The following GTPBP6 variants were observed in gnomAD, a reference collection of about 807,000 sequenced individuals.
GTPBP6 encodes GTP binding protein 6.
A neutral mutation model predicts 28.9 loss-of-function variants in GTPBP6; 33 were observed. That is an observed-to-expected ratio of 1.14 (90% CI 0.87 to 1.53). The LOEUF (loss-of-function observed/expected upper bound fraction) is 1.53, where lower values mean the gene tolerates loss of function less well. Among genes scored for constraint, GTPBP6 ranks in the 40% most tolerant of loss-of-function variants. GTPBP6 has a pLI of 0.00. For synonymous variants in GTPBP6, 231 were observed against 192.7 expected, an observed-to-expected ratio of 1.20 and a Z score of -1.65; for missense variants, 507 against 408.3, an observed-to-expected ratio of 1.24 and a Z score of -2.08.
At chrX:311,288 G>A in intron 7 of GTPBP6, 131 bp downstream of exon 7, 1 of 502,128 alleles carries the variant, frequency 2.0e-6, no homozygotes, top group East Asian at 4.4e-5. Flanking sequence ...GGCTGAGTGG[G>A]TGTCCGAGGG....
At chrX:317,078 G>C (rs1373117051) in intron 1 of GTPBP6, 27 bp from the exon 2 acceptor site, 4 of 397,994 alleles carry the variant, frequency 1.0e-5, no homozygotes, top group African/African-American at 4.1e-5. Context: ...GCCACCGTGA[G>C]AGACGCTTCT....
chrX:314,266 C>G, intron 4 of GTPBP6, 49 bp from the exon 5 acceptor site: 2 of 1,484,212 alleles, frequency 1.3e-6, no homozygotes, highest in African/African-American at 2.8e-5. Flanking sequence ...CTGTCTCCCT[C>G]CCGGCAGAGG....
chrX:305,117 CTGA>C (rs1360039794), exon 10 of GTPBP6: 5 of 1,613,418 alleles, frequency 3.1e-6, no homozygotes, highest in Admixed American at 1.7e-5. Context: ...GGCTGAGTTG[CTGA>C]TGATGACCCT....
chrX:315,359 GAGCCCACC>G, intron 2 of GTPBP6, 60 bp from the exon 3 acceptor site: 1 of 398,580 alleles, frequency 2.5e-6, no homozygotes, highest in Non-Finnish European at 4.4e-6. Flanking sequence ...ACTGTGGGAT[GAGCCCACC>G]ATACCCTTTG....
chrX:311,317 TG>T, intron 7 of GTPBP6, 101 bp downstream of exon 7: 1 of 678,244 alleles, frequency 1.5e-6, no homozygotes, highest in Admixed American at 3.0e-5. Flanking sequence ...CTGGGCTGAG[TG>T]GGTGTCCGAG....
At chrX:315,185 C>T (rs1440112749) in intron 3 of GTPBP6, 44 bp downstream of exon 3, 6 of 398,464 alleles carry the variant, frequency 1.5e-5, no homozygotes, top group East Asian at 7.1e-5. Flanking sequence ...TCCTTCATCG[C>T]GTGGAGTGCG....
chrX:310,625 ACACAGACACAGAGGAGAAGGC>A (rs1247015653), intron 7 of GTPBP6, among the ~76,000 whole-genome samples: 1 of 148,984 alleles, frequency 6.7e-6, no homozygotes, highest in Non-Finnish European at 1.5e-5. Context: ...AGAAGAGGAG[ACACAGACACAGAGGAGAAGGC>A]CACAGACAGA....
chrX:307,328 C>T (rs1214893137), intron 9 of GTPBP6, 32 bp downstream of exon 9: 26 of 1,604,818 alleles, frequency 1.6e-5, no homozygotes. Flanking sequence ...TCCAAAGCAC[C>T]ATCCCGTCTC....
chrX:311,502 C>A (rs1192480653), exon 7 of GTPBP6: 4 of 1,612,312 alleles, frequency 2.5e-6, no homozygotes, highest in Non-Finnish European at 3.4e-6. Context: ...ATGGTGTCCA[C>A]GTACAGGACG....
Position 314,878 on chromosome X carries a change from G to GC in GTPBP6, c.689+11dup. The GC allele has an allele frequency of 5.0e-6, 2 of 399,284 alleles. No individual in the cohort carries two copies. Among genetic ancestry groups the GC allele is most frequent in the African/African-American group, 4.1e-5 (2 of 48,746 alleles). The allele number at this position is 399,284 out of a possible 1,614,324, so 24.7% of individuals were successfully genotyped here. A position where few individuals can be genotyped will look rare whatever the true frequency, so the allele number is the denominator to read the frequency against. On this transcript the variant is annotated intron_variant, in intron 4 of 9. Coordinates refer to ENST00000326153, the Ensembl canonical transcript of GTPBP6. ...ACGTGACGCTCGGCGCGGCCCAGGG[G>GC]CCCCACGATACCTGTGCAGCGGCAT...
At chrX:306,471 CATTG>C in intron 9 of GTPBP6, among the ~76,000 whole-genome samples, 1 of 137,218 alleles carries the variant, frequency 7.3e-6, no homozygotes, top group African/African-American at 3.2e-5. Context: ...CAGAAATGTA[CATTG>C]AGTGTCAGCA....
intron 2 of GTPBP6, among the ~76,000 whole-genome samples, chrX:315,831 CAGTAAACACATCCCGGCAGGG>C (rs2124475624): frequency 1.2e-5 from 1 of 81,930 alleles, no homozygotes; most frequent in East Asian, 4.0e-4. Flanking sequence ...CACACACACA[CAGTAAACACATCCCGGCAGGG>C]ACACAAACAC....
At position 312,765 on chromosome X, in the gene GTPBP6, C is replaced by G. The variant is rs1182057657; in HGVS notation, c.916+1G>C. 6.2e-7 allele frequency: 1 copy of G among 1,610,654 alleles called. No homozygotes were observed. ...GGCCCCTCCCCTGGGCGCGTGCTCACCGCAGTTGGTGTACCCCACCACGGA... is the reference window on the plus strand; with the variant it reads ...GGCCCCTCCCCTGGGCGCGTGCTCAGCGCAGTTGGTGTACCCCACCACGGA... On this transcript the variant is annotated splice_donor_variant, in intron 6 of 9. Transcript: ENST00000326153. LOFTEE classifies it high-confidence loss of function.
intron 5 of GTPBP6, among the ~76,000 whole-genome samples, chrX:313,498 G>A (rs190280294): frequency 1.5e-3 from 226 of 151,506 alleles, no homozygotes; most frequent in Non-Finnish European, 2.7e-3. Flanking sequence ...CAAGTGTAGC[G>A]GATTGAACTG....
intron 2 of GTPBP6, 71 bp downstream of exon 2, chrX:316,843 C>T (rs2070448833): frequency 5.0e-6 from 2 of 398,934 alleles, no homozygotes; most frequent in East Asian, 3.6e-5. Flanking sequence ...CAGCATGTCT[C>T]GGTTGGATGT....
At chrX:312,250 A>G (rs2070320312) in intron 6 of GTPBP6, 1 of 390,042 alleles carries the variant, frequency 2.6e-6, no homozygotes. Flanking sequence ...CAGTGTAGAC[A>G]GGAGGACGGT....
exon 9 of GTPBP6, chrX:307,463 G>A: frequency 6.2e-7 from 1 of 1,611,536 alleles, no homozygotes; most frequent in East Asian, 2.2e-5. Context: ...TGGAGCCCGT[G>A]GCCCCGCAGG....
At chrX:317,570 G>GGGGGT (rs1412976767) in intron 1 of GTPBP6, among the ~76,000 whole-genome samples, 1 of 44,338 alleles carries the variant, frequency 2.3e-5, no homozygotes, top group African/African-American at 4.3e-4. Context: ...GGTGGGGGGT[G>GGGGGT]GGACTAGACA....
chrX:309,719 A>C (rs4131392), intron 7 of GTPBP6, among the ~76,000 whole-genome samples: 59,517 of 131,430 alleles, frequency 0.45, 13,052 homozygotes, highest in African/African-American at 0.57. Flanking sequence ...AAGGACCCTC[A>C]CCTAGAGCCT....
Sources: allele counts gnomAD v4.1 joint callset (sites outside exome capture counted in the v4.1 genomes callset), GRCh38; gene constraint gnomAD v4.1.1; transcripts MANE v1.5; gene names NCBI Gene and HGNC (gene_info 2026-07-23, HGNC 2026-07-21).